SPMIP2: variants seen among roughly 807,000 people sequenced by gnomAD.
The protein encoded by SPMIP2 is protein SPMIP2.
the SPMIP2 span, among the ~76,000 whole-genome samples, chr4:158,935,111 T>C: frequency 1.2e-4 from 19 of 152,226 alleles, no homozygotes; most frequent in African/African-American, 3.9e-4. Flanking sequence ...CAATTCCATC[T>C]TTGCTTCCCA....
the SPMIP2 span, chr4:158,895,829 C>T: frequency 2.5e-6 from 4 of 1,613,192 alleles, no homozygotes; most frequent in African/African-American, 2.7e-5. Flanking sequence ...CGGGGACACA[C>T]ACGAGTCCAT....
chr4:159,075,079 G>C, the SPMIP2 span, among the ~76,000 whole-genome samples: 8 of 152,126 alleles, frequency 5.3e-5, no homozygotes, highest in Admixed American at 3.3e-4. Flanking sequence ...TCCTGCTGAT[G>C]TACTCTATTA....
the SPMIP2 span, among the ~76,000 whole-genome samples, chr4:158,934,932 GCAAA>G: frequency 6.6e-6 from 1 of 152,054 alleles, no homozygotes; most frequent in Non-Finnish European, 1.5e-5. Context: ...CATTCATTCA[GCAAA>G]CAGTTTTCTA....
chr4:159,051,572 T>G, the SPMIP2 span, among the ~76,000 whole-genome samples: 1 of 152,270 alleles, frequency 6.6e-6, no homozygotes, highest in Non-Finnish European at 1.5e-5. Context: ...AATCTCTTGC[T>G]GCTAATTAAT....
chr4:159,010,638 C>T, the SPMIP2 span, among the ~76,000 whole-genome samples: 7 of 152,202 alleles, frequency 4.6e-5, no homozygotes, highest in African/African-American at 1.7e-4. Flanking sequence ...ATGTGGCATG[C>T]ATAACCAAAA....
the SPMIP2 span, among the ~76,000 whole-genome samples, chr4:158,948,213 G>T: frequency 2.6e-5 from 4 of 152,054 alleles, no homozygotes; most frequent in African/African-American, 4.8e-5. Flanking sequence ...CACCCTTGTT[G>T]GGTACCTTGG....
the SPMIP2 span, among the ~76,000 whole-genome samples, chr4:159,072,501 G>A: frequency 0.024 from 3,389 of 139,332 alleles, 63 homozygotes; most frequent in Admixed American, 0.054. Context: ...TTGTCACCCA[G>A]GCTGGAGTGT....
the SPMIP2 span, among the ~76,000 whole-genome samples, chr4:159,065,016 C>A: frequency 1.3e-5 from 2 of 152,160 alleles, no homozygotes; most frequent in African/African-American, 2.4e-5. Context: ...TTCCACATTC[C>A]CTGGGCAGAA....
At chr4:158,983,660 T>G in the SPMIP2 span, among the ~76,000 whole-genome samples, 2 of 81,032 alleles carry the variant, frequency 2.5e-5, no homozygotes, top group African/African-American at 5.0e-5. Flanking sequence ...AACATGGAAA[T>G]GAACAACTGG....
the SPMIP2 span, chr4:159,007,483 C>T: frequency 2.7e-6 from 2 of 732,406 alleles, no homozygotes; most frequent in South Asian, 1.3e-5. Flanking sequence ...TTCTAGTGAT[C>T]ACAGGGATCC....
At chr4:159,048,428 A>C in the SPMIP2 span, among the ~76,000 whole-genome samples, 1 of 152,182 alleles carries the variant, frequency 6.6e-6, no homozygotes, top group Non-Finnish European at 1.5e-5. Context: ...GTTCTAAAGA[A>C]GTTGCACTGT....
At chr4:158,996,487 G>A in the SPMIP2 span, among the ~76,000 whole-genome samples, 4 of 152,166 alleles carry the variant, frequency 2.6e-5, no homozygotes, top group Admixed American at 6.6e-5. Flanking sequence ...TAAGATTTGT[G>A]TATATAGAAC....
At chr4:158,910,959 A>G in the SPMIP2 span, among the ~76,000 whole-genome samples, 48 of 152,330 alleles carry the variant, frequency 3.2e-4, no homozygotes, top group African/African-American at 1.1e-3. Flanking sequence ...GATCAGTCCA[A>G]TGATATGGTA....
the SPMIP2 span, among the ~76,000 whole-genome samples, chr4:159,002,849 A>C: frequency 6.6e-6 from 1 of 152,060 alleles, no homozygotes; most frequent in Admixed American, 6.6e-5. Context: ...TGTGGACTGC[A>C]GTCAGAAAAG....
chr4:158,952,628 T>C, the SPMIP2 span, among the ~76,000 whole-genome samples: 1 of 152,138 alleles, frequency 6.6e-6, no homozygotes, highest in African/African-American at 2.4e-5. Context: ...CGAAACTGGG[T>C]AACAGGCAGA....
At chr4:158,947,624 T>C in the SPMIP2 span, among the ~76,000 whole-genome samples, 1 of 152,208 alleles carries the variant, frequency 6.6e-6, no homozygotes, top group African/African-American at 2.4e-5. Context: ...ATATATCTAT[T>C]AAAATTCATA....
At chr4:158,974,148 T>C in the SPMIP2 span, among the ~76,000 whole-genome samples, 1 of 151,254 alleles carries the variant, frequency 6.6e-6, no homozygotes. Context: ...AATTGAAAAA[T>C]GGAGAAAATT....
chr4:158,959,152 C>T, the SPMIP2 span, among the ~76,000 whole-genome samples: 1 of 152,218 alleles, frequency 6.6e-6, no homozygotes, highest in Non-Finnish European at 1.5e-5. Flanking sequence ...CAGTGTTTCT[C>T]AGATACCCTC....
the SPMIP2 span, among the ~76,000 whole-genome samples, chr4:158,950,467 CA>C: frequency 6.6e-6 from 1 of 152,122 alleles, no homozygotes; most frequent in Non-Finnish European, 1.5e-5. Context: ...CACAATTCAG[CA>C]AATTGTATCA....
Sources: gnomAD v4.1 joint callset for allele counts (sites outside exome capture counted in the v4.1 genomes callset) on GRCh38, gnomAD v4.1.1 for gene constraint, MANE v1.5 for transcripts, NCBI Gene and HGNC (gene_info 2026-07-23, HGNC 2026-07-21) for gene names.